KCNQ1: variants seen among roughly 807,000 people sequenced by gnomAD.
KCNQ1 encodes potassium voltage-gated channel subfamily KQT member 1.
In KCNQ1, 49 loss-of-function variants were observed where a neutral mutation model predicts 72.4. That is an observed-to-expected ratio of 0.68 (90% CI 0.54 to 0.86). KCNQ1 has a LOEUF of 0.86. Ranked by LOEUF, KCNQ1 falls within the 40% of genes least tolerant of loss-of-function variation. The pLI is 0.00. For synonymous variants in KCNQ1, 450 were observed against 412.6 expected, an observed-to-expected ratio of 1.09 and a Z score of -1.10; for missense variants, 790 against 945.1, an observed-to-expected ratio of 0.84 and a Z score of 2.15.
chr11:2,835,786 G>C (rs1848051449), intron 15 of KCNQ1, among the ~76,000 whole-genome samples: 1 of 152,210 alleles, frequency 6.6e-6, no homozygotes. Flanking sequence ...GGGGCTCACA[G>C]AGGAAAAGCC....
chr11:2,776,888 T>A, intron 13 of KCNQ1, 98 bp from the exon 14 acceptor site: 1 of 1,227,982 alleles, frequency 8.1e-7, no homozygotes. Context: ...CAGTCCACTG[T>A]CTTGCCGGGC....
chr11:2,649,204 C>G (rs1849719235), intron 10 of KCNQ1: 1 of 397,972 alleles, frequency 2.5e-6, no homozygotes, highest in Non-Finnish European at 4.4e-6. Flanking sequence ...TTTAAATTAC[C>G]TACATTCAAG....
intron 11 of KCNQ1, chr11:2,672,971 C>A: frequency 2.5e-6 from 1 of 398,760 alleles, no homozygotes; most frequent in South Asian, 1.3e-4. Context: ...AGCTGAGTCC[C>A]CTGCAGGCCT....
rs1846836565 is a variant in KCNQ1 at position 2,491,586 on chromosome 11, C to A, written c.387-36342C>A. ...TGAAGCATGATCTAGAAAATAGCCT[C>A]AAAAGGGCAAATCTAAGATTTATTG... On this transcript the variant is annotated intron_variant, in intron 1 of 15. Coordinates refer to ENST00000155840, the MANE Select transcript of KCNQ1 (RefSeq NM_000218.3). The surrounding 1 kb of genome is among the most constrained non-coding windows in gnomAD (Gnocchi z 4.1). 6.6e-6 allele frequency among the ~76,000 whole-genome samples: 1 copy of A among 151,948 alleles called. No homozygotes were observed. Among genetic ancestry groups the A allele is most frequent in the Non-Finnish European group, 1.5e-5 (1 of 68,000 alleles).
At chr11:2,675,934 A>C in intron 11 of KCNQ1, 1 of 398,704 alleles carries the variant, frequency 2.5e-6, no homozygotes, top group Non-Finnish European at 4.4e-6. Flanking sequence ...GTCTTTACAC[A>C]CATGGTAAAA....
At position 2,764,091 on chromosome 11, in the gene KCNQ1, C is replaced by T. The variant is rs781206634; in HGVS notation, c.1515-4753C>T. 9.2e-5 allele frequency among the ~76,000 whole-genome samples: 14 copies of T among 152,088 alleles called. No homozygotes were observed. The highest frequency in any genetic ancestry group is 1.8e-4 in the Non-Finnish European group (12 of 68,030). On this transcript the variant is annotated intron_variant, in intron 11 of 15. Coordinates refer to ENST00000155840, the MANE Select transcript of KCNQ1 (RefSeq NM_000218.3). This position sits in a 1 kb window ranked among gnomAD's most constrained non-coding sequence, Gnocchi z 4.8. ...CTTTCTGGACAATGTGAAATAGAAA[C>T]GATAACATCCTTGCCTTGCTTCCTG...
intron 15 of KCNQ1, among the ~76,000 whole-genome samples, chr11:2,811,681 A>C (rs1381608029): frequency 1.3e-5 from 2 of 152,200 alleles, no homozygotes; most frequent in African/African-American, 4.8e-5. Flanking sequence ...GGCGCGCAGC[A>C]CAAGGGTCAG....
chr11:2,533,577 T>A (rs1423022311), intron 2 of KCNQ1, among the ~76,000 whole-genome samples: 1 of 152,274 alleles, frequency 6.6e-6, no homozygotes, highest in Non-Finnish European at 1.5e-5. Context: ...TGTGCGTGCC[T>A]GTGGGTAGCT....
rs925442181 is a variant in KCNQ1, at chr11:2,526,936, T to C, written c.387-992T>C. Among the ~76,000 whole-genome samples the C allele has an allele frequency of 6.6e-6, 1 of 151,996 alleles. No homozygotes were observed. The highest frequency in any genetic ancestry group is 1.5e-5 in the Non-Finnish European group (1 of 67,960). On this transcript the variant is annotated intron_variant, in intron 1 of 15. Transcript: ENST00000155840. The surrounding 1 kb of genome is among the most constrained non-coding windows in gnomAD (Gnocchi z 6.1). ...GTGTCTCCCCTGGCCCTGGGGGCCA[T>C]GTGGCCATCTCCTGGCTCTCCGGTC...
chr11:2,529,618 T>C (rs1241611414), intron 2 of KCNQ1, among the ~76,000 whole-genome samples: 2 of 152,362 alleles, frequency 1.3e-5, no homozygotes, highest in African/African-American at 4.8e-5. Context: ...CCAGGCACTT[T>C]CCTGGCGTCT....
rs934528640 is a variant in KCNQ1 at position 2,562,863 on chromosome 11, G to A, written c.478-7765G>A. On this transcript the variant is annotated intron_variant, in intron 2 of 15. Coordinates refer to ENST00000155840, the MANE Select transcript of KCNQ1 (RefSeq NM_000218.3). The surrounding 1 kb of genome is among the most constrained non-coding windows in gnomAD (Gnocchi z 7.5). ...CCTTCGTATTTAATCTTCATCTTCC[G>A]CCGTCTTTAAAATTAATTTTCCTTT... is the stretch of plus-strand genomic sequence containing the variant. 2.0e-5 allele frequency among the ~76,000 whole-genome samples: 3 copies of A among 152,072 alleles called. No homozygotes were observed. Among genetic ancestry groups the A allele is most frequent in the Non-Finnish European group, 2.9e-5 (2 of 68,030 alleles).
At chr11:2,558,883 C>T (rs1282014738) in intron 2 of KCNQ1, among the ~76,000 whole-genome samples, 1 of 152,146 alleles carries the variant, frequency 6.6e-6, no homozygotes, top group African/African-American at 2.4e-5. Context: ...CAAGAATGTG[C>T]TAGGCCCAGG....
intron 11 of KCNQ1, among the ~76,000 whole-genome samples, chr11:2,708,820 G>A (rs1405250771): frequency 6.6e-6 from 1 of 152,124 alleles, no homozygotes; most frequent in Non-Finnish European, 1.5e-5. Flanking sequence ...TTAAAGATGT[G>A]ACATGTTCGA....
At chr11:2,738,687 GAT>G (rs1484994239) in intron 11 of KCNQ1, among the ~76,000 whole-genome samples, 2 of 152,206 alleles carry the variant, frequency 1.3e-5, no homozygotes, top group East Asian at 3.8e-4. Flanking sequence ...GGGTGGGGTG[GAT>G]GTCTGCTTTT....
At chr11:2,708,900 G>A (rs1045245941) in intron 11 of KCNQ1, among the ~76,000 whole-genome samples, 6 of 152,020 alleles carry the variant, frequency 3.9e-5, no homozygotes, top group Admixed American at 6.6e-5. Context: ...CAAAGCACCC[G>A]GTCACCTTTC....
rs184656165 is a variant in KCNQ1, at chr11:2,622,290, A to C, written c.1393+33436A>C. 546 of 398,304 alleles carry C rather than the reference A, an allele frequency of 1.4e-3. 2 individuals are homozygous for C. Among genetic ancestry groups the C allele is most frequent in the African/African-American group, 9.6e-3 (469 of 48,716 alleles). 24.7% of individuals were successfully genotyped at this position (398,304 alleles called of 1,614,324 possible). ...GTCTTGAGTAATTTTCCATTTTCTCAGTATGTAATGTCCTCCTTTGTCTCC... is the reference window on the plus strand; with the variant it reads ...GTCTTGAGTAATTTTCCATTTTCTCCGTATGTAATGTCCTCCTTTGTCTCC... On this transcript the variant is annotated intron_variant, in intron 10 of 15. Coordinates refer to ENST00000155840, the MANE Select transcript of KCNQ1 (RefSeq NM_000218.3).
chr11:2,777,971 C>T lies in KCNQ1; in HGVS notation c.1733-5C>T. The T allele has an allele frequency of 6.2e-7, 1 of 1,613,840 alleles. No homozygotes were observed. The highest frequency in any genetic ancestry group is 1.1e-5 in the South Asian group (1 of 91,086). ...GCCCTGATTTGGGTGTTTTATCCCCCATAGAAAAGAGCAAGGATCGCGGCA... is the reference window on the plus strand; with the variant it reads ...GCCCTGATTTGGGTGTTTTATCCCCTATAGAAAAGAGCAAGGATCGCGGCA... On this transcript the variant is annotated splice_polypyrimidine_tract_variant and splice_region_variant and intron_variant, in intron 14 of 15. Coordinates refer to ENST00000155840, the MANE Select transcript of KCNQ1 (RefSeq NM_000218.3).
In KCNQ1 at chr11:2,491,557, C is replaced by T. The variant is rs1027684035; in HGVS notation, c.387-36371C>T. On this transcript the variant is annotated intron_variant, in intron 1 of 15. Transcript: ENST00000155840. This position sits in a 1 kb window ranked among gnomAD's most constrained non-coding sequence, Gnocchi z 4.1. The stretch of plus-strand genomic sequence containing the variant: ...ATACACAGAGGAGACAGAATAAGAA[C>T]GAATGAAGCATGATCTAGAAAATAG... Among the ~76,000 whole-genome samples the T allele has an allele frequency of 2.0e-5, 3 of 151,904 alleles. No individual in the cohort carries two copies. The highest frequency in any genetic ancestry group is 4.4e-5 in the Non-Finnish European group (3 of 67,970).
rs1051727274 is a variant in KCNQ1, at chr11:2,527,852, G to A, written c.387-76G>A. On this transcript the variant is annotated intron_variant, in intron 1 of 15. Transcript: ENST00000155840. ...ACCTGGGGGCGGGGCTGAGGCCAGG[G>A]GCCCCTCCACTCCCCAGGTGCATCT... is the stretch of plus-strand genomic sequence containing the variant. 7.0e-5 allele frequency: 94 copies of A among 1,345,326 alleles called. 1 individual carries two copies. In the South Asian group the frequency reaches 1.1e-3, roughly 16 times the overall value. 83.3% of individuals were successfully genotyped at this position (1,345,326 alleles called of 1,614,324 possible).
Sources: gnomAD v4.1 joint callset for allele counts (sites outside exome capture counted in the v4.1 genomes callset) on GRCh38, gnomAD v4.1.1 for gene constraint, Gnocchi (gnomAD v3.1) non-coding constraint, MANE v1.5 for transcripts, NCBI Gene and HGNC (gene_info 2026-07-23, HGNC 2026-07-21) for gene names.